UTP20: variants seen among roughly 807,000 people sequenced by gnomAD.
UTP20 encodes the protein small subunit processome component 20 homolog.
UTP20 carries 164 observed loss-of-function variants against 329.5 expected under a neutral mutation model. That is an observed-to-expected ratio of 0.50 (90% CI 0.44 to 0.57). The LOEUF is 0.57. Among genes scored for constraint, UTP20 ranks in the 20% least tolerant of loss-of-function variants. The pLI, the probability that UTP20 is intolerant of heterozygous loss-of-function variation, is 0.00. For synonymous variants in UTP20, 1,151 were observed against 1,159.3 expected, an observed-to-expected ratio of 0.99 and a Z score of 0.14; for missense variants, 3,055 against 3,284.2, an observed-to-expected ratio of 0.93 and a Z score of 1.71.
intron 5 of UTP20, among the ~76,000 whole-genome samples, chr12:101,287,158 C>A (rs1349339388): frequency 1.3e-5 from 2 of 152,174 alleles, no homozygotes; most frequent in Admixed American, 6.5e-5. Context: ...TATCAGTCAT[C>A]AGCCCCTTAC....
chr12:101,339,048 C>T, intron 31 of UTP20, 91 bp downstream of exon 31: 2 of 1,351,024 alleles, frequency 1.5e-6, no homozygotes, highest in Non-Finnish European at 2.0e-6. Context: ...CGTGGTGGCT[C>T]ACACCTGTAA....
At chr12:101,298,508 G>C (rs1872429052) in intron 12 of UTP20, among the ~76,000 whole-genome samples, 1 of 152,100 alleles carries the variant, frequency 6.6e-6, no homozygotes, top group Admixed American at 6.5e-5. Context: ...TAAAGAGCAA[G>C]GAGGAGATTG....
In UTP20 at chr12:101,285,841, C is replaced by A. The variant is rs779027623; in HGVS notation, c.286C>A (p.Leu96Met). The change falls in exon 4 of 62, where the codon CTG becomes ATG. Residue 96 changes from leucine (L) to methionine (M), a missense_variant. Coordinates refer to ENST00000261637, the MANE Select transcript of UTP20 (RefSeq NM_014503.3). ...GATAGTTCAGAGTTTGAAGACTCAC[C>A]TGCAAGTTAAGAACAGTTTTGCCTA... ...NEIVQSLKTH[L>M]QVKNSFAYQP... is the part of the protein sequence containing the mutation. 1 of 1,613,872 alleles carries A rather than the reference C, an allele frequency of 6.2e-7. No individual in the cohort carries two copies. The highest frequency in any genetic ancestry group is 1.7e-5 in the Admixed American group (1 of 60,014).
chr12:101,327,305 C>A, intron 26 of UTP20, 58 bp downstream of exon 26: 1 of 1,428,294 alleles, frequency 7.0e-7, no homozygotes, highest in Non-Finnish European at 9.3e-7. Flanking sequence ...CTTCTCACAT[C>A]TCAGGCTACA....
intron 38 of UTP20, among the ~76,000 whole-genome samples, chr12:101,348,618 G>A (rs1402706511): frequency 6.6e-6 from 1 of 151,002 alleles, no homozygotes; most frequent in Non-Finnish European, 1.5e-5. Context: ...TATTGATCTG[G>A]TATCATTTTT....
At chr12:101,343,373 G>C (rs951467894) in intron 35 of UTP20, among the ~76,000 whole-genome samples, 3 of 152,154 alleles carry the variant, frequency 2.0e-5, no homozygotes, top group African/African-American at 4.8e-5. Flanking sequence ...AAGTACATTA[G>C]GTCACTAAAG....
Position 101,285,760 on chromosome 12 carries a change from A to G in UTP20, c.205A>G (p.Lys69Glu). Reference sequence around the variant, plus strand: ...TTTCCCCCACTCAGGAAAATTTTACAAAGAAGTTATTGACAAATGCCAATC... The same window carrying G: ...TTTCCCCCACTCAGGAAAATTTTACGAAGAAGTTATTGACAAATGCCAATC... ...NLTEHFGKFYKEVIDKCQSFN... is the reference protein window; with the variant it reads ...NLTEHFGKFYEEVIDKCQSFN... Residue 69 changes from lysine (K) to glutamate (E), a missense_variant, in exon 4 of 62, where the codon AAA (lysine) becomes GAA (glutamate). Coordinates refer to ENST00000261637, the MANE Select transcript of UTP20 (RefSeq NM_014503.3). The G allele has an allele frequency of 6.2e-7, 1 of 1,613,596 alleles. No homozygotes were observed. Among genetic ancestry groups the G allele is most frequent in the Middle Eastern group, 1.7e-4 (1 of 6,058 alleles).
intron 27 of UTP20, among the ~76,000 whole-genome samples, chr12:101,332,684 A>T (rs1000180664): frequency 2.0e-5 from 3 of 152,200 alleles, no homozygotes; most frequent in Non-Finnish European, 4.4e-5. Context: ...TGAACTATGT[A>T]TGTTGAGATC....
chr12:101,341,844 G>T (rs1869149777), intron 32 of UTP20, among the ~76,000 whole-genome samples: 2 of 152,180 alleles, frequency 1.3e-5, no homozygotes, highest in African/African-American at 4.8e-5. Flanking sequence ...GGTGGAGGTT[G>T]TGGTGAGCTG....
Position 101,361,989 on chromosome 12 carries a change from ATGC to A in UTP20, c.5726_5728del (p.Leu1909del). 1 of 1,613,752 alleles carries A rather than the reference ATGC, an allele frequency of 6.2e-7. No homozygotes were observed. Among genetic ancestry groups the A allele is most frequent in the Non-Finnish European group, 8.5e-7 (1 of 1,179,792 alleles). On this transcript the variant is annotated inframe_deletion, in exon 44 of 62. Coordinates refer to ENST00000261637, the MANE Select transcript of UTP20 (RefSeq NM_014503.3). ...CCATGTGCTGACTTTCACCGTTCAC[ATGC>A]TGCTGCAAGGCCTCACCAATAAGCT...
chr12:101,343,408 G>A (rs1042951575), intron 35 of UTP20, among the ~76,000 whole-genome samples: 4 of 152,184 alleles, frequency 2.6e-5, no homozygotes, highest in South Asian at 2.1e-4. Flanking sequence ...GGAATGGGGC[G>A]TGATTTCTAA....
chr12:101,373,723 G>A lies in UTP20; in HGVS notation c.7087G>A (p.Asp2363Asn), dbSNP rs1205416221. ...TGGTAAAATCAGCCTCGAGAAAAAA[G>A]ATTGGCTGTTTGATATGGTTACCAC... ...LLGKISLEKK[D>N]WLFDMVTTWF... Residue 2363 changes from aspartate to asparagine, a missense_variant, in exon 54 of 62, where the codon GAT (aspartate) becomes AAT (asparagine). By Grantham distance (23) the Asp-to-Asn change is conservative. Coordinates refer to ENST00000261637, the MANE Select transcript of UTP20 (RefSeq NM_014503.3). 1.2e-6 allele frequency: 2 copies of A among 1,611,672 alleles called. No individual in the cohort carries two copies. The highest frequency in any genetic ancestry group is 1.7e-6 in the Non-Finnish European group (2 of 1,179,574).
chr12:101,315,157 G>A (rs1261855285), intron 21 of UTP20, among the ~76,000 whole-genome samples: 1 of 151,960 alleles, frequency 6.6e-6, no homozygotes, highest in African/African-American at 2.4e-5. Flanking sequence ...TGATCCAGAC[G>A]GGAGGGGAAA....
At chr12:101,324,205 A>AT (rs1233227544) in intron 25 of UTP20, among the ~76,000 whole-genome samples, 1 of 144,754 alleles carries the variant, frequency 6.9e-6, no homozygotes, top group Non-Finnish European at 1.5e-5. Flanking sequence ...TTCTCTACTG[A>AT]TTTGAGAGCC....
intron 18 of UTP20, among the ~76,000 whole-genome samples, chr12:101,308,682 C>G (rs887485194): frequency 6.6e-6 from 1 of 151,278 alleles, no homozygotes; most frequent in South Asian, 2.1e-4. Context: ...AGGTTTAAAG[C>G]TTGCTCTTCT....
rs1200114435 is a variant in UTP20 at position 101,383,627 on chromosome 12, G to A, written c.8014G>A (p.Ala2672Thr). ...AAAGCCGTATCTCCCAATGATCATA[G>A]CTCCTTTGTTTCGGGAACTCAACAG... ...KVKPYLPMII[A>T]PLFRELNSTY... The change falls in exon 60 of 62, where the codon GCT (alanine) becomes ACT (threonine). Residue 2672 changes from alanine (A) to threonine (T), a missense_variant. This residue lies in a region of UTP20 where 337 missense variants were observed against 345.5 expected (regional missense o/e 0.98). Coordinates refer to ENST00000261637, the MANE Select transcript of UTP20 (RefSeq NM_014503.3). 1 of 1,613,804 alleles carries A rather than the reference G, an allele frequency of 6.2e-7. No homozygotes were observed. Among genetic ancestry groups the A allele is most frequent in the Non-Finnish European group, 8.5e-7 (1 of 1,179,884 alleles).
At chr12:101,339,257 G>T (rs181575504) in intron 31 of UTP20, among the ~76,000 whole-genome samples, 10 of 152,230 alleles carry the variant, frequency 6.6e-5, no homozygotes, top group Non-Finnish European at 1.2e-4. Flanking sequence ...AGGTTGCAGT[G>T]AGCCGAGATC....
chr12:101,362,749 G>T (rs946285795), intron 44 of UTP20, among the ~76,000 whole-genome samples: 1 of 132,574 alleles, frequency 7.5e-6, no homozygotes, highest in Admixed American at 7.0e-5. Context: ...TAATTTGGAG[G>T]CTACCATTGT....
At chr12:101,344,027 G>A (rs1325920599) in intron 35 of UTP20, among the ~76,000 whole-genome samples, 2 of 152,096 alleles carry the variant, frequency 1.3e-5, no homozygotes, top group Admixed American at 1.3e-4. Context: ...TCATGTAGTG[G>A]CATCAGTGAT....
Sources: allele counts gnomAD v4.1 joint callset (sites outside exome capture counted in the v4.1 genomes callset), GRCh38; gene constraint gnomAD v4.1.1; regional missense constraint gnomAD v4.1.1; transcripts MANE v1.5; gene names NCBI Gene and HGNC (gene_info 2026-07-23, HGNC 2026-07-21).